Variants in FHDC1 observed in about 807,000 individuals in gnomAD.
FHDC1 encodes the protein FH2 domain-containing protein 1.
Under a neutral mutation model 52.6 loss-of-function variants are expected in FHDC1, and 25 were observed. The ratio of observed to expected loss-of-function variants is 0.48; its 90% CI spans 0.35 to 0.66. The LOEUF (loss-of-function observed/expected upper bound fraction) is 0.66, where lower values mean the gene tolerates loss of function less well. Among genes scored for constraint, FHDC1 ranks in the 30% least tolerant of loss-of-function variants. The pLI is 0.01. For missense variants in FHDC1, 1,459 were observed against 1,452.8 expected, an observed-to-expected ratio of 1.00 and a Z score of -0.07; for synonymous variants, 616 against 581.5, an observed-to-expected ratio of 1.06 and a Z score of -0.85.
intron 5 of FHDC1, 30 bp downstream of exon 5, chr4:152,960,680 T>C: frequency 6.2e-7 from 1 of 1,613,082 alleles, no homozygotes. Context: ...TTATTATTCT[T>C]CACGCAGTAA....
chr4:152,944,454 ATC>A (rs1739668165), intron 2 of FHDC1, among the ~76,000 whole-genome samples: 1 of 152,244 alleles, frequency 6.6e-6, no homozygotes, highest in Admixed American at 6.5e-5. Context: ...TCATTTAAAA[ATC>A]TGTCATAAAG....
chr4:152,924,866 TGGGGGGA>T, the FHDC1 span, among the ~76,000 whole-genome samples: 2 of 58,134 alleles, frequency 3.4e-5, no homozygotes, highest in Non-Finnish European at 6.2e-5. Context: ...TGTTGTGGGG[TGGGGGGA>T]GGGGGGAGGG....
chr4:152,970,049 T>A (rs1400340587), intron 10 of FHDC1, among the ~76,000 whole-genome samples: 1 of 152,190 alleles, frequency 6.6e-6, no homozygotes, highest in Non-Finnish European at 1.5e-5. Context: ...ATAGGTGAGA[T>A]AAAATTTTTC....
At chr4:152,933,505 C>T (rs1403921499), upstream of FHDC1, among the ~76,000 whole-genome samples, 8 of 151,912 alleles carry the variant, frequency 5.3e-5, no homozygotes, top group South Asian at 2.1e-4. Context: ...GAGGCTGAGG[C>T]GGGTGGATCA....
In FHDC1 at chr4:152,974,991, A is replaced by G. The variant is rs1311125060; in HGVS notation, c.1700A>G (p.Lys567Arg). The change falls in exon 12 of 12, where the codon AAG (lysine) becomes AGG (arginine). Residue 567 changes from lysine to arginine, a missense_variant. Around this residue, in one of 3 missense-constraint regions of FHDC1, gnomAD observed 939 missense variants for 854.5 expected, o/e 1.10. Transcript: ENST00000511601. ...SSTGSPEEPN[K>R]FHSLPRSSPR... ...ACCGGCAGCCCTGAGGAGCCCAATA[A>G]GTTCCACAGCCTGCCCCGGAGCAGC... 6.2e-7 allele frequency: 1 copy of G among 1,612,516 alleles called. No individual in the cohort carries two copies. The highest frequency in any genetic ancestry group is 2.2e-5 in the East Asian group (1 of 44,872).
chr4:152,920,681 A>G, the FHDC1 span, among the ~76,000 whole-genome samples: 3 of 152,324 alleles, frequency 2.0e-5, no homozygotes. Context: ...GGATAGAGTT[A>G]TCATTTTAAG....
At position 152,962,967 on chromosome 4, in the gene FHDC1, GTGTGTGTGTGTGTGTA is replaced by G. The variant is rs1219352719; in HGVS notation, c.922-52_922-37del. On this transcript the variant is annotated intron_variant, in intron 7 of 11. Coordinates refer to ENST00000511601, the MANE Select transcript of FHDC1 (RefSeq NM_001371116.1). ...TGTGTGTGTGTGTGTGTGTGTGTGT[GTGTGTGTGTGTGTGTA>G]TGTATACATAATTTTTTCTTTTTGA... The G allele has an allele frequency of 1.3e-3, 1,949 of 1,515,318 alleles. 19 individuals carry two copies. In the African/African-American group the frequency reaches 0.022, roughly 17 times the overall value. 93.9% of individuals were successfully genotyped at this position (1,515,318 alleles called of 1,614,324 possible).
At position 152,963,824 on chromosome 4, in the gene FHDC1, A is replaced by G. The variant is rs540903947; in HGVS notation, c.1029+694A>G. Among the ~76,000 whole-genome samples, 6 of 129,622 alleles carry G rather than the reference A, an allele frequency of 4.6e-5. No homozygotes were observed. The East Asian group carries it at 1.4e-3, about 30-fold the overall frequency. 85.0% of individuals were successfully genotyped at this position (129,622 alleles called of 152,430 possible). On this transcript the variant is annotated intron_variant, in intron 8 of 11. Coordinates refer to ENST00000511601, the MANE Select transcript of FHDC1 (RefSeq NM_001371116.1). Reference sequence around the variant, plus strand: ...TTTTTGACTGGATCTCTATAACACCAAAAAAGTGAGGAACAAAGTGGAAAA... The same window carrying G: ...TTTTTGACTGGATCTCTATAACACCGAAAAAGTGAGGAACAAAGTGGAAAA...
intron 4 of FHDC1, among the ~76,000 whole-genome samples, chr4:152,956,995 T>G (rs1338218827): frequency 6.6e-6 from 1 of 152,066 alleles, no homozygotes; most frequent in African/African-American, 2.4e-5. Context: ...TGCTGCCCAC[T>G]GTAAGGACAA....
intron 1 of FHDC1, among the ~76,000 whole-genome samples, chr4:152,937,387 T>C (rs1373587836): frequency 1.3e-5 from 2 of 151,916 alleles, no homozygotes; most frequent in Non-Finnish European, 2.9e-5. Context: ...ACCCAACTTC[T>C]GGGCGCAGCG....
intron 2 of FHDC1, among the ~76,000 whole-genome samples, chr4:152,948,690 A>G (rs1739810948): frequency 6.6e-6 from 1 of 152,034 alleles, no homozygotes; most frequent in African/African-American, 2.4e-5. Context: ...TCCTGACCTC[A>G]CGTGATTTGC....
chr4:152,922,648 G>C, the FHDC1 span, among the ~76,000 whole-genome samples: 1 of 152,090 alleles, frequency 6.6e-6, no homozygotes, highest in Admixed American at 6.6e-5. Context: ...ACATCAAAAA[G>C]CTTATCCACC....
At chr4:152,929,136 A>C in the FHDC1 span, among the ~76,000 whole-genome samples, 1 of 152,146 alleles carries the variant, frequency 6.6e-6, no homozygotes, top group Non-Finnish European at 1.5e-5. The surrounding 1 kb of genome is among the most constrained non-coding windows in gnomAD (Gnocchi z 4.1). Flanking sequence ...TAAGATGTAC[A>C]TTGGCTCAGT....
At chr4:152,930,762 C>T in the FHDC1 span, among the ~76,000 whole-genome samples, 1 of 152,060 alleles carries the variant, frequency 6.6e-6, no homozygotes, top group African/African-American at 2.4e-5. Flanking sequence ...CTACCATACC[C>T]GAAGTATTTG....
At chr4:152,961,736 G>A (rs1561210213) in intron 6 of FHDC1, among the ~76,000 whole-genome samples, 1 of 152,162 alleles carries the variant, frequency 6.6e-6, no homozygotes. Context: ...CCTGTTTTGA[G>A]ATAAAATTTT....
At chr4:152,962,979 G>GTGTGTGTA (rs1554041292) in intron 7 of FHDC1, 44 bp from the exon 8 acceptor site, 18 of 1,445,624 alleles carry the variant, frequency 1.2e-5, no homozygotes, top group African/African-American at 8.7e-5. Context: ...GTGTGTGTGT[G>GTGTGTGTA]TGTATGTATA....
the FHDC1 span, among the ~76,000 whole-genome samples, chr4:152,920,009 G>A: frequency 0.017 from 2,310 of 134,154 alleles, 62 homozygotes; most frequent in African/African-American, 0.06. Context: ...GTGCAGTGGC[G>A]CAATCTTGGC....
At chr4:152,965,106 T>C in intron 9 of FHDC1, 131 bp downstream of exon 9, 2 of 819,604 alleles carry the variant, frequency 2.4e-6, no homozygotes, top group Non-Finnish European at 1.9e-6. Flanking sequence ...CTGTCCTTCA[T>C]TTGCTTAACA....
rs888793325 is a variant in FHDC1, at chr4:152,976,548, T to C, written c.3257T>C (p.Leu1086Ser). 1 of 1,612,908 alleles carries C rather than the reference T, an allele frequency of 6.2e-7. No individual in the cohort carries two copies. The highest frequency in any genetic ancestry group is 1.3e-5 in the African/African-American group (1 of 75,042). ...GCCGCTCCCAAGGACAGCAGCACTT[T>C]GAGGCGAGCCAGCAGTGCCCGGGCC... ...EDAAPKDSST[L>S]RRASSARAPK... The change falls in exon 12 of 12, where the codon TTG becomes TCG. Residue 1086 changes from leucine to serine, a missense_variant. Around this residue, in one of 3 missense-constraint regions of FHDC1, gnomAD observed 939 missense variants for 854.5 expected, o/e 1.10. Coordinates refer to ENST00000511601, the MANE Select transcript of FHDC1 (RefSeq NM_001371116.1).
Sources: gnomAD v4.1 joint callset for allele counts (sites outside exome capture counted in the v4.1 genomes callset) on GRCh38, gnomAD v4.1.1 for gene constraint, gnomAD v4.1.1 regional missense constraint, Gnocchi (gnomAD v3.1) non-coding constraint, MANE v1.5 for transcripts, NCBI Gene and HGNC (gene_info 2026-07-23, HGNC 2026-07-21) for gene names.